FBXO15: variants seen among roughly 807,000 people sequenced by gnomAD.
FBXO15 encodes F-box only protein 15.
In FBXO15, 30 loss-of-function variants were observed where a neutral mutation model predicts 49.5. The observed-to-expected ratio is 0.61, with a 90% CI of 0.45 to 0.82. The LOEUF is 0.82. Among genes scored for constraint, FBXO15 ranks in the 40% least tolerant of loss-of-function variants. The pLI, the probability that FBXO15 is intolerant of heterozygous loss-of-function variation, is 0.00. For missense variants in FBXO15, 591 were observed against 631.5 expected (o/e 0.94, Z 0.69); for synonymous variants, 250 against 232.7 (o/e 1.07, Z -0.68).
Position 74,121,480 on chromosome 18 carries a change from T to C in FBXO15, c.1138+1888A>G, listed in dbSNP as rs374694240. Among the ~76,000 whole-genome samples the C allele has an allele frequency of 2.6e-5, 4 of 152,206 alleles. No homozygotes were observed. The East Asian group carries it at 5.8e-4, about 22-fold the overall frequency. On this transcript the variant is annotated intron_variant, in intron 8 of 9. Coordinates refer to ENST00000419743, the MANE Select transcript of FBXO15 (RefSeq NM_001142958.2). ...TATTTTTAAACAAACTGAAAGATGT[T>C]CCACATTCTTGGATGGAACAATTCA...
chr18:74,136,356 A>AT (rs1467021792), intron 2 of FBXO15, among the ~76,000 whole-genome samples: 3 of 152,050 alleles, frequency 2.0e-5, no homozygotes, highest in African/African-American at 7.2e-5. Flanking sequence ...AATTTTTTGT[A>AT]TTTTTTGTGC....
At chr18:74,138,419 T>C (rs1978857591) in intron 2 of FBXO15, among the ~76,000 whole-genome samples, 1 of 152,098 alleles carries the variant, frequency 6.6e-6, no homozygotes, top group Admixed American at 6.5e-5. Flanking sequence ...TGCTCTTGTG[T>C]TGCAGGCTCT....
At chr18:74,094,895 G>A (rs765011510) in intron 8 of FBXO15, among the ~76,000 whole-genome samples, 2 of 152,210 alleles carry the variant, frequency 1.3e-5, no homozygotes, top group Non-Finnish European at 2.9e-5. Context: ...CCATTGTTTA[G>A]TGTAGCCACC....
intron 9 of FBXO15, among the ~76,000 whole-genome samples, chr18:74,077,687 A>C (rs1912310700): frequency 6.6e-6 from 1 of 152,166 alleles, no homozygotes; most frequent in African/African-American, 2.4e-5. Context: ...ACTGAGGCTG[A>C]GAATGGGGGA....
intron 8 of FBXO15, among the ~76,000 whole-genome samples, chr18:74,082,397 C>T (rs1046010645): frequency 6.6e-6 from 1 of 152,088 alleles, no homozygotes; most frequent in Non-Finnish European, 1.5e-5. Context: ...TGTTGGAAAC[C>T]GATATCTAGA....
intron 8 of FBXO15, chr18:74,099,983 C>A (rs920578164): frequency 7.2e-5 from 11 of 152,144 alleles, no homozygotes; most frequent in African/African-American, 2.7e-4. Context: ...CTTCAATACT[C>A]CACTGACAGC....
At chr18:74,129,360 C>T (rs763944219) in intron 5 of FBXO15, 45 bp downstream of exon 5, 1 of 1,515,534 alleles carries the variant, frequency 6.6e-7, no homozygotes, top group South Asian at 1.2e-5. Flanking sequence ...CTAATATTTA[C>T]ATATAAGATG....
At chr18:74,100,196 A>C (rs1913450741) in intron 8 of FBXO15, 1 of 152,206 alleles carries the variant, frequency 6.6e-6, no homozygotes, top group Non-Finnish European at 1.5e-5. Flanking sequence ...ATTTAAGAAA[A>C]CTGAAATTAT....
chr18:74,147,235 CTGA>C (rs1212743617), intron 1 of FBXO15: 1 of 153,072 alleles, frequency 6.5e-6, no homozygotes, highest in Non-Finnish European at 1.4e-5. Context: ...AGGGTGTCAA[CTGA>C]TAAGGTTTTG....
At chr18:74,143,548 T>C (rs1027413206) in intron 1 of FBXO15, among the ~76,000 whole-genome samples, 4 of 152,332 alleles carry the variant, frequency 2.6e-5, no homozygotes, top group East Asian at 1.9e-4. Context: ...TCTAGAAATG[T>C]GCACAGATAG....
chr18:74,129,442 C>T lies in FBXO15; in HGVS notation c.748G>A (p.Val250Ile). The T allele has an allele frequency of 6.2e-7, 1 of 1,613,964 alleles. No homozygotes were observed. The highest frequency in any genetic ancestry group is 1.1e-5 in the South Asian group (1 of 91,064). The change falls in exon 5 of 10, where the codon GTT becomes ATT. Residue 250 changes from valine (V) to isoleucine (I), a missense_variant. Val to Ile is a conservative substitution (Grantham distance 29). Coordinates refer to ENST00000419743, the MANE Select transcript of FBXO15 (RefSeq NM_001142958.2). ...STLDLCGMTP[V>I]FTDWYKTPTK... ...GGAGTTTTATACCAGTCGGTAAAAA[C>T]TGGTGTCATGCCACATAAATCTAAG...
At chr18:74,145,958 TA>T (rs1979386716) in intron 1 of FBXO15, among the ~76,000 whole-genome samples, 3 of 152,374 alleles carry the variant, frequency 2.0e-5, no homozygotes, top group African/African-American at 2.4e-5. Flanking sequence ...TTTATGTTTT[TA>T]TGCGAATCTA....
At chr18:74,073,797 T>G in intron 9 of FBXO15, 67 bp from the exon 10 acceptor site, 1 of 1,530,998 alleles carries the variant, frequency 6.5e-7, no homozygotes. Context: ...CAGAAAATCG[T>G]GACTCTGTAA....
At chr18:74,139,937 G>C (rs898705435) in intron 2 of FBXO15, among the ~76,000 whole-genome samples, 3 of 152,120 alleles carry the variant, frequency 2.0e-5, no homozygotes, top group African/African-American at 7.2e-5. Context: ...CAACTCAAAA[G>C]TGAATATTTT....
intron 3 of FBXO15, among the ~76,000 whole-genome samples, chr18:74,134,104 TTG>T (rs376631480): frequency 1.3e-5 from 2 of 152,082 alleles, no homozygotes; most frequent in Non-Finnish European, 2.9e-5. Flanking sequence ...ATGTGTGTGT[TTG>T]TGTGTGTGTG....
chr18:74,087,667 G>C (rs752071482), intron 8 of FBXO15, among the ~76,000 whole-genome samples: 1 of 152,150 alleles, frequency 6.6e-6, no homozygotes, highest in Non-Finnish European at 1.5e-5. Context: ...TAGTGCTGTA[G>C]TGAACAGATA....
At chr18:74,108,692 T>C (rs1913879785) in intron 8 of FBXO15, among the ~76,000 whole-genome samples, 1 of 152,082 alleles carries the variant, frequency 6.6e-6, no homozygotes, top group South Asian at 2.1e-4. Context: ...CATCAAACCA[T>C]AGATACAGGA....
intron 8 of FBXO15, among the ~76,000 whole-genome samples, chr18:74,086,961 A>G (rs1912768296): frequency 6.6e-6 from 1 of 152,260 alleles, no homozygotes; most frequent in Non-Finnish European, 1.5e-5. Flanking sequence ...CCACAGGAAT[A>G]AAGCAAATAT....
chr18:74,087,038 A>C (rs759668136), intron 8 of FBXO15, among the ~76,000 whole-genome samples: 3 of 152,178 alleles, frequency 2.0e-5, no homozygotes, highest in Non-Finnish European at 4.4e-5. Context: ...TTTATACTAT[A>C]CTCTTTTAAA....
Sources: gnomAD v4.1 joint callset for allele counts (sites outside exome capture counted in the v4.1 genomes callset) on GRCh38, gnomAD v4.1.1 for gene constraint, MANE v1.5 for transcripts, NCBI Gene and HGNC (gene_info 2026-07-23, HGNC 2026-07-21) for gene names.